MYT1L: variants seen among roughly 807,000 people sequenced by gnomAD.
MYT1L encodes the protein myelin transcription factor 1 like.
In MYT1L, 12 loss-of-function variants were observed where a neutral mutation model predicts 126.7. The observed-to-expected ratio is 0.09, with a 90% CI of 0.06 to 0.15. The LOEUF is 0.15. Ranked by LOEUF, MYT1L falls within the 10% of genes least tolerant of loss-of-function variation. MYT1L has a pLI of 1.00. For missense variants in MYT1L, 979 were observed against 1,585.2 expected (o/e 0.62, Z 6.49); for synonymous variants, 541 against 604.2 (o/e 0.90, Z 1.53).
chr2:2,109,614 C>A (rs1272410242), intron 3 of MYT1L, among the ~76,000 whole-genome samples: 1 of 151,814 alleles, frequency 6.6e-6, no homozygotes, highest in African/African-American at 2.4e-5. Context: ...CTAGTCAATA[C>A]CACTTCTTGT....
intron 3 of MYT1L, among the ~76,000 whole-genome samples, chr2:2,147,865 C>T (rs1575489007): frequency 1.3e-5 from 2 of 152,188 alleles, no homozygotes; most frequent in Non-Finnish European, 2.9e-5. Context: ...CATCTGGTAC[C>T]GTGTCTCCTG....
Position 2,224,712 on chromosome 2 carries a change from G to A in MYT1L, c.-420-51724C>T, listed in dbSNP as rs891057954. On this transcript the variant is annotated intron_variant, in intron 2 of 24. Coordinates refer to ENST00000647738, the MANE Select transcript of MYT1L (RefSeq NM_001303052.2). The surrounding 1 kb of genome is among the most constrained non-coding windows in gnomAD (Gnocchi z 4.0). ...CGGGCACCTGTAGTCCCAGCTACTT[G>A]GGAAGCTGAGACAGGAGAATGACAT... is the stretch of plus-strand genomic sequence containing the variant. Among the ~76,000 whole-genome samples the A allele has an allele frequency of 2.0e-4, 30 of 151,926 alleles. 1 individual carries two copies. The highest frequency in any genetic ancestry group is 1.7e-3 in the Admixed American group (26 of 15,254).
chr2:2,303,318 G>A (rs1388574850), intron 1 of MYT1L, among the ~76,000 whole-genome samples: 1 of 152,104 alleles, frequency 6.6e-6, no homozygotes, highest in Admixed American at 6.5e-5. Flanking sequence ...TGTCTTCCGC[G>A]GGGGCACCTT....
At chr2:2,098,436 A>G (rs1254629414) in intron 3 of MYT1L, among the ~76,000 whole-genome samples, 2 of 152,234 alleles carry the variant, frequency 1.3e-5, no homozygotes, top group Non-Finnish European at 2.9e-5. Flanking sequence ...CTTAAGGCAG[A>G]GTTTAAATAA....
rs1573817928 is a variant in MYT1L at position 1,943,022 on chromosome 2, T to C, written c.465A>G (p.Glu155=). Residue 155 remains glutamate (E), a synonymous_variant, in exon 9 of 25, where the codon GAA becomes GAG. Transcript: ENST00000647738. This position sits in a 1 kb window ranked among gnomAD's most constrained non-coding sequence, Gnocchi z 4.4. The part of the protein sequence containing the change: ...DGEDVEDEEE[E]EEEEEEEEEE... ...CTTCCTCCTCCTCCTCCTCCTCCTC[T>C]TCCTCTTCTTCATCCTCCACATCTT... 2.7e-6 allele frequency: 4 copies of C among 1,480,246 alleles called. No individual in the cohort carries two copies. The highest frequency in any genetic ancestry group is 2.5e-5 in the East Asian group (1 of 40,436). The allele number at this position is 1,480,246 out of a possible 1,614,324, so 91.7% of individuals were successfully genotyped here.
chr2:1,850,208 C>G (rs1433717513), intron 19 of MYT1L, among the ~76,000 whole-genome samples: 1 of 46,444 alleles, frequency 2.2e-5, no homozygotes, highest in African/African-American at 9.2e-5. Flanking sequence ...TCCTTCCTTC[C>G]TTCCTTCCTT....
chr2:2,234,086 T>C (rs1378210238), intron 2 of MYT1L, among the ~76,000 whole-genome samples: 1 of 152,208 alleles, frequency 6.6e-6, no homozygotes, highest in African/African-American at 2.4e-5. Context: ...GCAACTCACA[T>C]TTATCAGGTC....
rs375179310 is a variant in MYT1L at position 2,187,956 on chromosome 2, CTTATA to C, written c.-420-14973_-420-14969del. Among the ~76,000 whole-genome samples the C allele has an allele frequency of 6.7e-4, 102 of 152,230 alleles. 1 individual carries two copies. The East Asian group carries it at 0.016, about 24-fold the overall frequency. ...TGTATGCATTTATCATTTATATTCT[CTTATA>C]TTAAATATATATGCATATTTGCCTC... On this transcript the variant is annotated intron_variant, in intron 2 of 24. Coordinates refer to ENST00000647738, the MANE Select transcript of MYT1L (RefSeq NM_001303052.2).
chr2:2,308,405 A>G (rs1202624139), intron 1 of MYT1L, among the ~76,000 whole-genome samples: 1 of 148,736 alleles, frequency 6.7e-6, no homozygotes, highest in Non-Finnish European at 1.5e-5. Context: ...TTCACTATAA[A>G]CTACCTATAC....
chr2:2,127,084 C>T (rs1226929125), intron 3 of MYT1L, among the ~76,000 whole-genome samples: 2 of 152,212 alleles, frequency 1.3e-5, no homozygotes, highest in Non-Finnish European at 2.9e-5. Flanking sequence ...ATTCTACATG[C>T]ATTTTTTAAA....
At chr2:2,189,462 G>A (rs923238316) in intron 2 of MYT1L, among the ~76,000 whole-genome samples, 2 of 152,098 alleles carry the variant, frequency 1.3e-5, no homozygotes, top group South Asian at 2.1e-4. Flanking sequence ...ATTAAGACAC[G>A]CATGAAAGAC....
intron 2 of MYT1L, among the ~76,000 whole-genome samples, chr2:2,264,390 C>A (rs1366825586): frequency 6.6e-6 from 1 of 152,054 alleles, no homozygotes; most frequent in Non-Finnish European, 1.5e-5. Flanking sequence ...ATTACTCCCC[C>A]AAACCCCACC....
rs141836783 is a variant in MYT1L, at chr2:2,053,626, A to G, written c.-158+352T>C. Among the ~76,000 whole-genome samples the G allele has an allele frequency of 8.5e-5, 13 of 152,234 alleles. 1 individual carries two copies. Among genetic ancestry groups the G allele is most frequent in the African/African-American group, 2.9e-4 (12 of 41,554 alleles). ...AAAATATCCCAAAATAGAACTAATA[A>G]TGGACACAGGGATCTGATTTTAAAG... is the stretch of plus-strand genomic sequence containing the variant. On this transcript the variant is annotated intron_variant, in intron 4 of 24. Coordinates refer to ENST00000647738, the MANE Select transcript of MYT1L (RefSeq NM_001303052.2).
intron 18 of MYT1L, among the ~76,000 whole-genome samples, chr2:1,855,111 TA>T (rs1040003698): frequency 6.6e-6 from 1 of 152,202 alleles, no homozygotes; most frequent in Non-Finnish European, 1.5e-5. Context: ...TAAGGCTCTT[TA>T]AAAACTCATA....
At chr2:1,941,176 A>G (rs2056602886) in intron 9 of MYT1L, among the ~76,000 whole-genome samples, 1 of 152,234 alleles carries the variant, frequency 6.6e-6, no homozygotes, top group South Asian at 2.1e-4. Flanking sequence ...TAAATAAACT[A>G]AAATTGAATT....
chr2:2,049,249 A>G (rs1162386969), intron 4 of MYT1L, among the ~76,000 whole-genome samples: 1 of 152,232 alleles, frequency 6.6e-6, no homozygotes, highest in Non-Finnish European at 1.5e-5. Flanking sequence ...AAACAATTTG[A>G]TTTGGTAGCA....
intron 3 of MYT1L, among the ~76,000 whole-genome samples, chr2:2,145,220 C>T (rs60428247): frequency 0.015 from 2,309 of 152,244 alleles, 54 homozygotes; most frequent in African/African-American, 0.053. Flanking sequence ...CTGTGTACGA[C>T]CTGAGCAAAT....
intron 1 of MYT1L, among the ~76,000 whole-genome samples, chr2:2,289,969 G>A (rs1251291030): frequency 6.6e-6 from 1 of 152,210 alleles, no homozygotes; most frequent in Admixed American, 6.5e-5. Flanking sequence ...ATGCTGAGAG[G>A]AAATGTGCTC....
At chr2:1,885,302 C>A (rs937075335) in intron 18 of MYT1L, 1 of 152,706 alleles carries the variant, frequency 6.5e-6, no homozygotes, top group African/African-American at 2.4e-5. Flanking sequence ...GTTTTGAGAT[C>A]CTAAATCTAC....
Sources: gnomAD v4.1 joint callset for allele counts (sites outside exome capture counted in the v4.1 genomes callset) on GRCh38, gnomAD v4.1.1 for gene constraint, Gnocchi (gnomAD v3.1) non-coding constraint, MANE v1.5 for transcripts, NCBI Gene and HGNC (gene_info 2026-07-23, HGNC 2026-07-21) for gene names.